Variants in SNTG1 observed in about 807,000 individuals in gnomAD.
The protein encoded by SNTG1 is gamma-1-syntrophin.
Under a neutral mutation model 74.7 loss-of-function variants are expected in SNTG1, and 39 were observed. The ratio of observed to expected loss-of-function variants is 0.52; its 90% CI spans 0.40 to 0.68. The LOEUF is 0.68. SNTG1 is among the 30% of genes least tolerant of loss of function. SNTG1 has a pLI of 0.00. For missense variants in SNTG1, 685 were observed against 609.5 expected, an observed-to-expected ratio of 1.12 and a Z score of -1.30; for synonymous variants, 254 against 217.1, an observed-to-expected ratio of 1.17 and a Z score of -1.49.
chr8:50,734,650 G>GTC (rs987180602), intron 17 of SNTG1, among the ~76,000 whole-genome samples: 15 of 146,078 alleles, frequency 1.0e-4, no homozygotes, highest in African/African-American at 2.2e-4. Flanking sequence ...CTCTTTCTCT[G>GTC]TCTCTCTCTC....
chr8:50,448,317 A>G (rs2093424404), intron 5 of SNTG1, among the ~76,000 whole-genome samples: 1 of 152,232 alleles, frequency 6.6e-6, no homozygotes, highest in Admixed American at 6.5e-5. Flanking sequence ...CTTGCCAAAA[A>G]AAAAAATTCA....
chr8:50,460,266 G>T (rs2093548437), intron 8 of SNTG1, among the ~76,000 whole-genome samples: 1 of 152,096 alleles, frequency 6.6e-6, no homozygotes, highest in Non-Finnish European at 1.5e-5. Context: ...ATGTTTGTTT[G>T]CTGCTTCTAT....
intron 2 of SNTG1, among the ~76,000 whole-genome samples, chr8:50,321,197 A>G (rs954331249): frequency 1.3e-5 from 2 of 152,068 alleles, no homozygotes; most frequent in Non-Finnish European, 2.9e-5. Context: ...AATATTTGCT[A>G]TATATATCTG....
At chr8:50,449,803 C>G (rs1338827954) in intron 6 of SNTG1, 78 bp downstream of exon 6, 11 of 1,239,398 alleles carry the variant, frequency 8.9e-6, no homozygotes, top group Non-Finnish European at 1.2e-5. Flanking sequence ...ATTCAAGAAT[C>G]CTAAATTACA....
rs189679370 is a variant in SNTG1 at position 50,532,798 on chromosome 8, A to T, written c.549+2539A>T. On this transcript the variant is annotated intron_variant, in intron 10 of 18. Coordinates refer to ENST00000642720, the MANE Select transcript of SNTG1 (RefSeq NM_018967.5). ...TGTGAGGCAAATTTTCTTTCCACAG[A>T]ATATGTGTATATTATAGACAGTCTA... 1.6e-4 allele frequency among the ~76,000 whole-genome samples: 24 copies of T among 152,280 alleles called. No homozygotes were observed. In the East Asian group the frequency reaches 4.6e-3, roughly 29 times the overall value.
intron 1 of SNTG1, among the ~76,000 whole-genome samples, chr8:50,015,818 A>G (rs1269513243): frequency 2.6e-5 from 4 of 152,140 alleles, no homozygotes; most frequent in Non-Finnish European, 5.9e-5. Context: ...CTCTTGGAAA[A>G]CATTCTCTGC....
chr8:50,697,183 G>GT (rs1235659187), intron 15 of SNTG1, among the ~76,000 whole-genome samples: 10 of 151,828 alleles, frequency 6.6e-5, no homozygotes, highest in South Asian at 2.1e-4. Context: ...GTATTTCCGG[G>GT]TTTTTTTGGA....
At chr8:50,393,317 G>C (rs1307221574) in intron 2 of SNTG1, among the ~76,000 whole-genome samples, 5 of 152,012 alleles carry the variant, frequency 3.3e-5, no homozygotes, top group African/African-American at 1.2e-4. Context: ...AATTAATCTT[G>C]TATAATTAAA....
chr8:50,584,988 C>T (rs1048417080), intron 12 of SNTG1, among the ~76,000 whole-genome samples: 1 of 152,000 alleles, frequency 6.6e-6, no homozygotes, highest in Admixed American at 6.6e-5. Context: ...AAGCCTGAGG[C>T]CAGTATTTGG....
chr8:50,267,776 A>G (rs1451069509), intron 2 of SNTG1, among the ~76,000 whole-genome samples: 6 of 152,176 alleles, frequency 3.9e-5, no homozygotes, highest in African/African-American at 1.4e-4. Flanking sequence ...TAAACATCTC[A>G]TCAATTTAAG....
intron 18 of SNTG1, among the ~76,000 whole-genome samples, chr8:50,764,018 G>T (rs1266361608): frequency 6.6e-6 from 1 of 150,706 alleles, no homozygotes; most frequent in Non-Finnish European, 1.5e-5. Context: ...GGCCAGAAAA[G>T]AACCTGTGTG....
At chr8:50,288,689 G>A (rs1021553978) in intron 2 of SNTG1, among the ~76,000 whole-genome samples, 4 of 151,556 alleles carry the variant, frequency 2.6e-5, no homozygotes, top group African/African-American at 9.7e-5. Context: ...GTTGATTAAG[G>A]TCATCTGGAA....
intron 2 of SNTG1, among the ~76,000 whole-genome samples, chr8:50,256,796 G>A (rs1009514546): frequency 5.9e-5 from 9 of 152,068 alleles, no homozygotes; most frequent in Non-Finnish European, 1.3e-4. Context: ...GTGTGTGTGT[G>A]TGTGTGTCTG....
In SNTG1 at chr8:49,978,531, G is replaced by A. The variant is rs577458685; in HGVS notation, c.-103+66300G>A. On this transcript the variant is annotated intron_variant, in intron 1 of 18. Transcript: ENST00000642720. ...CCACGATCACTGAAGTGGCTCTGAA[G>A]TGTCTTTGTACCTGTAAAAATGGGC... Among the ~76,000 whole-genome samples the A allele has an allele frequency of 5.9e-5, 9 of 152,268 alleles. No homozygotes were observed. The East Asian group carries it at 1.7e-3, about 29-fold the overall frequency.
intron 18 of SNTG1, among the ~76,000 whole-genome samples, chr8:50,779,204 A>G (rs1218229911): frequency 2.0e-5 from 3 of 152,170 alleles, no homozygotes; most frequent in African/African-American, 4.8e-5. Flanking sequence ...TTGGTTCCAT[A>G]TGAACTTTAA....
rs773822489 is a variant in SNTG1, at chr8:50,553,135, C to A, written c.766C>A (p.Leu256Ile). The A allele has an allele frequency of 5.6e-6, 9 of 1,613,764 alleles. No homozygotes were observed. Among genetic ancestry groups the A allele is most frequent in the Non-Finnish European group, 6.8e-6 (8 of 1,179,886 alleles). Residue 256 changes from leucine (L) to isoleucine (I), a missense_variant, in exon 12 of 19, where the codon CTA becomes ATA. By Grantham distance (5) the Leu-to-Ile change is conservative. Coordinates refer to ENST00000642720, the MANE Select transcript of SNTG1 (RefSeq NM_018967.5). The stretch of plus-strand genomic sequence containing the variant: ...CTCTGCTGAAGACTGCGTTGACTGG[C>A]TACAAGCAATAGCAACTAACATTTC... Reference protein sequence around the residue: ...CLSAEDCVDWLQAIATNISNL... With the variant: ...CLSAEDCVDWIQAIATNISNL...
intron 1 of SNTG1, among the ~76,000 whole-genome samples, chr8:49,983,496 C>T (rs1199936455): frequency 1.3e-5 from 2 of 152,078 alleles, no homozygotes; most frequent in Non-Finnish European, 2.9e-5. Context: ...TTTCTAAATA[C>T]AAATAATCTC....
chr8:50,270,747 AATCAAAAG>A (rs1373743783), intron 2 of SNTG1, among the ~76,000 whole-genome samples: 2 of 152,196 alleles, frequency 1.3e-5, no homozygotes, highest in African/African-American at 4.8e-5. Flanking sequence ...CATGAGATAA[AATCAAAAG>A]GCTTAGCACA....
chr8:50,040,404 A>G (rs1254519555), intron 1 of SNTG1, among the ~76,000 whole-genome samples: 8 of 152,140 alleles, frequency 5.3e-5, no homozygotes, highest in Non-Finnish European at 1.0e-4. Context: ...GGCATTTGTT[A>G]TCTTTCTTTT....
Sources: allele counts gnomAD v4.1 joint callset (sites outside exome capture counted in the v4.1 genomes callset), GRCh38; gene constraint gnomAD v4.1.1; transcripts MANE v1.5; gene names NCBI Gene and HGNC (gene_info 2026-07-23, HGNC 2026-07-21).